The following CERS6 variants were observed in gnomAD, a reference collection of about 807,000 sequenced individuals.
CERS6 encodes ceramide synthase 6, also known as LAG1 homolog, ceramide synthase 6.
Under a neutral mutation model 56.8 loss-of-function variants are expected in CERS6, and 26 were observed. The ratio of observed to expected loss-of-function variants is 0.46; its 90% CI spans 0.34 to 0.63. CERS6 has a LOEUF of 0.63. CERS6 is among the 30% of genes least tolerant of loss of function. The pLI is 0.01. For synonymous variants in CERS6, 164 were observed against 173.3 expected, an observed-to-expected ratio of 0.95 and a Z score of 0.42; for missense variants, 415 against 467.5, an observed-to-expected ratio of 0.89 and a Z score of 1.04.
chr2:168,463,712 A>T (rs1693818270), intron 1 of CERS6, among the ~76,000 whole-genome samples: 1 of 152,178 alleles, frequency 6.6e-6, no homozygotes, highest in Non-Finnish European at 1.5e-5. Context: ...ATTTGAGACC[A>T]GCTGCGGCAA....
Position 168,694,984 on chromosome 2 carries a change from A to G in CERS6, c.542A>G (p.Tyr181Cys), listed in dbSNP as rs1158666642. ...CCACTCACAACTGACCTTCACTACT[A>G]TTACATCCTGGAGCTGTCGTTTTAT... is the stretch of plus-strand genomic sequence containing the variant. ...YQPLTTDLHY[Y>C]YILELSFYWS... is the part of the protein sequence containing the mutation. The change falls in exon 6 of 10, where the codon TAT (tyrosine) becomes TGT (cysteine). Residue 181 changes from tyrosine (Y) to cysteine (C), a missense_variant. Coordinates refer to ENST00000305747, the MANE Select transcript of CERS6 (RefSeq NM_203463.3). 4 of 1,613,298 alleles carry G rather than the reference A, an allele frequency of 2.5e-6. No homozygotes were observed. Among genetic ancestry groups the G allele is most frequent in the African/African-American group, 1.3e-5 (1 of 74,792 alleles).
intron 1 of CERS6, among the ~76,000 whole-genome samples, chr2:168,524,449 A>G (rs1336954375): frequency 6.6e-6 from 1 of 152,214 alleles, no homozygotes; most frequent in African/African-American, 2.4e-5. Flanking sequence ...CTCTATCCAG[A>G]TAGCTCAGTG....
intron 8 of CERS6, among the ~76,000 whole-genome samples, chr2:168,726,252 G>T (rs1327510859): frequency 6.6e-6 from 1 of 152,064 alleles, no homozygotes; most frequent in Non-Finnish European, 1.5e-5. Flanking sequence ...TGATTCACCG[G>T]GCTCTCTGGA....
At chr2:168,743,723 G>C (rs1683998802) in intron 8 of CERS6, among the ~76,000 whole-genome samples, 1 of 152,064 alleles carries the variant, frequency 6.6e-6, no homozygotes, top group African/African-American at 2.4e-5. Context: ...AATCAACATT[G>C]CTCTCTCTTT....
chr2:168,458,538 A>C (rs761940236), intron 1 of CERS6, among the ~76,000 whole-genome samples: 40 of 152,076 alleles, frequency 2.6e-4, no homozygotes, highest in African/African-American at 7.0e-4. Context: ...TAATCCCATG[A>C]CTCGACTTAG....
intron 4 of CERS6, among the ~76,000 whole-genome samples, chr2:168,679,056 A>G (rs934133861): frequency 6.6e-6 from 1 of 152,240 alleles, no homozygotes; most frequent in African/African-American, 2.4e-5. Context: ...GGAGGACATC[A>G]TGTTAAGCAA....
rs181019288 is a variant in CERS6, at chr2:168,687,758, C to T, written c.466-3276C>T. Among the ~76,000 whole-genome samples, 32 of 152,312 alleles carry T rather than the reference C, an allele frequency of 2.1e-4. No homozygotes were observed. The East Asian group carries it at 4.1e-3, about 19-fold the overall frequency. ...CACTCTGTTGCTCAGGCTGGAATGC[C>T]TGGCACAATCATGGCTTATTGCAGC... is the stretch of plus-strand genomic sequence containing the variant. On this transcript the variant is annotated intron_variant, in intron 4 of 9. Transcript: ENST00000305747.
chr2:168,755,298 A>T (rs1035705837), intron 8 of CERS6, among the ~76,000 whole-genome samples: 1 of 152,210 alleles, frequency 6.6e-6, no homozygotes, highest in Non-Finnish European at 1.5e-5. Context: ...AACATCTTCC[A>T]AACAGAAGGA....
At chr2:168,515,507 G>A (rs562387658) in intron 1 of CERS6, among the ~76,000 whole-genome samples, 1 of 152,312 alleles carries the variant, frequency 6.6e-6, no homozygotes, top group East Asian at 1.9e-4. Context: ...AATTGATGTG[G>A]AAAGTGGGGA....
chr2:168,501,871 G>A (rs979270949), intron 1 of CERS6, among the ~76,000 whole-genome samples: 3 of 152,202 alleles, frequency 2.0e-5, no homozygotes, highest in African/African-American at 7.2e-5. Context: ...TTCCTAGGTA[G>A]TATTTTGGCC....
chr2:168,467,510 A>G (rs894479233), intron 1 of CERS6, among the ~76,000 whole-genome samples: 2 of 152,188 alleles, frequency 1.3e-5, no homozygotes, highest in African/African-American at 4.8e-5. Flanking sequence ...TTGTATATCT[A>G]TTGCAATTAA....
intron 1 of CERS6, among the ~76,000 whole-genome samples, chr2:168,492,851 A>G (rs1028283374): frequency 6.6e-6 from 1 of 152,174 alleles, no homozygotes; most frequent in African/African-American, 2.4e-5. Context: ...TTTATAGCTT[A>G]AGCATTTTCA....
intron 3 of CERS6, among the ~76,000 whole-genome samples, chr2:168,581,519 G>C (rs534696304): frequency 6.6e-5 from 10 of 152,184 alleles, no homozygotes; most frequent in African/African-American, 2.4e-4. Context: ...GATGTCATCT[G>C]ACATATCTTT....
intron 7 of CERS6, 113 bp from the exon 8 acceptor site, chr2:168,717,759 G>C: frequency 1.5e-6 from 1 of 654,558 alleles, no homozygotes; most frequent in South Asian, 2.2e-5. Context: ...TAAAAATGCA[G>C]GCAATTTTAT....
intron 3 of CERS6, among the ~76,000 whole-genome samples, chr2:168,621,084 T>C (rs940220456): frequency 2.6e-5 from 4 of 152,224 alleles, no homozygotes; most frequent in Non-Finnish European, 4.4e-5. Context: ...TTTAGTTTTC[T>C]CTTTTCCTTT....
intron 6 of CERS6, among the ~76,000 whole-genome samples, chr2:168,697,175 T>G (rs1326558957): frequency 1.3e-5 from 2 of 152,166 alleles, no homozygotes; most frequent in African/African-American, 4.8e-5. Context: ...CTGACTTGTA[T>G]GGCTACAGGG....
intron 1 of CERS6, among the ~76,000 whole-genome samples, chr2:168,495,510 C>T (rs150881898): frequency 4.1e-4 from 62 of 152,232 alleles, no homozygotes; most frequent in Middle Eastern, 6.8e-3. Flanking sequence ...GAGAAGCAAA[C>T]GCAAACCTGT....
At chr2:168,742,854 G>A (rs1213062775) in intron 8 of CERS6, among the ~76,000 whole-genome samples, 1 of 152,110 alleles carries the variant, frequency 6.6e-6, no homozygotes, top group Non-Finnish European at 1.5e-5. Flanking sequence ...GCAGTGGGGG[G>A]TCATTAGAAG....
At position 168,603,426 on chromosome 2, in the gene CERS6, A is replaced by G. The variant is rs1366580171; in HGVS notation, c.408-27559A>G. ...CTACAGAGAATGACTATCAATAGGTATGTAGGTAGATGAACATCTGGGCAT... is the reference window on the plus strand; with the variant it reads ...CTACAGAGAATGACTATCAATAGGTGTGTAGGTAGATGAACATCTGGGCAT... On this transcript the variant is annotated intron_variant, in intron 3 of 9. Coordinates refer to ENST00000305747, the MANE Select transcript of CERS6 (RefSeq NM_203463.3). 2.6e-5 allele frequency among the ~76,000 whole-genome samples: 4 copies of G among 152,210 alleles called. No homozygotes were observed. In the South Asian group the frequency reaches 6.2e-4, roughly 24 times the overall value.
Sources: allele counts gnomAD v4.1 joint callset (sites outside exome capture counted in the v4.1 genomes callset), GRCh38; gene constraint gnomAD v4.1.1; transcripts MANE v1.5; gene names NCBI Gene and HGNC (gene_info 2026-07-23, HGNC 2026-07-21).